DCUN1D5: variants seen among roughly 807,000 people sequenced by gnomAD.
DCUN1D5 encodes the protein defective in cullin neddylation 1 domain containing 5.
Under a neutral mutation model 38.3 loss-of-function variants are expected in DCUN1D5, and 10 were observed. That is an observed-to-expected ratio of 0.26 (90% CI 0.16 to 0.44). The LOEUF (loss-of-function observed/expected upper bound fraction) is 0.44, where lower values mean the gene tolerates loss of function less well. Among genes scored for constraint, DCUN1D5 ranks in the 20% least tolerant of loss-of-function variants. The pLI is 1.00. For synonymous variants in DCUN1D5, 93 were observed against 90.9 expected (o/e 1.02, Z -0.13); for missense variants, 148 against 275.3 (o/e 0.54, Z 3.27).
chr11:103,070,145 A>G (rs1862235967), intron 4 of DCUN1D5, among the ~76,000 whole-genome samples: 1 of 152,066 alleles, frequency 6.6e-6, no homozygotes, highest in African/African-American at 2.4e-5. Flanking sequence ...ACAAAGAAAT[A>G]TAAGATACAA....
Position 103,060,551 on chromosome 11 carries a change from G to A in DCUN1D5, c.*1808C>T, listed in dbSNP as rs1861988172. On this transcript the variant is annotated 3_prime_UTR_variant, in exon 8 of 8. Coordinates refer to ENST00000260247, the MANE Select transcript of DCUN1D5 (RefSeq NM_032299.4). The stretch of plus-strand genomic sequence containing the variant: ...ATGCACAGATTTGGGTATACACAAG[G>A]GTCCTGGTATCAATCTCCTGCGTAT... 6.6e-6 allele frequency among the ~76,000 whole-genome samples: 1 copy of A among 152,014 alleles called. No individual in the cohort carries two copies.
chr11:103,076,937 G>A (rs376210827), intron 4 of DCUN1D5, among the ~76,000 whole-genome samples: 2 of 152,238 alleles, frequency 1.3e-5, no homozygotes, highest in South Asian at 2.1e-4. Flanking sequence ...GGTGGCTCAC[G>A]CCTGTAATCC....
rs1258907513 is a variant in DCUN1D5 at position 103,050,935 on chromosome 11, G to A, written c.*11424C>T. ...TCTCCATGATGGGTAAGGAAAGGGTGTTTCTTTAAAAATAATCAGACCCAG... is the reference window on the plus strand; with the variant it reads ...TCTCCATGATGGGTAAGGAAAGGGTATTTCTTTAAAAATAATCAGACCCAG... On this transcript the variant is annotated 3_prime_UTR_variant, in exon 8 of 8. Transcript: ENST00000260247. 1 of 152,152 alleles carries A rather than the reference G, an allele frequency of 6.6e-6. No homozygotes were observed. Among genetic ancestry groups the A allele is most frequent in the African/African-American group, 2.4e-5 (1 of 41,450 alleles). 9.4% of individuals were successfully genotyped at this position (152,152 alleles called of 1,614,324 possible).
At position 103,066,436 on chromosome 11, in the gene DCUN1D5, C is replaced by G. The variant is rs536536622; in HGVS notation, c.450+23G>C. ...TCAAGATGAAAAGCTATTAAAACAACAAAACAAGAAAATTGCACCTACCCT... is the reference window on the plus strand; with the variant it reads ...TCAAGATGAAAAGCTATTAAAACAAGAAAACAAGAAAATTGCACCTACCCT... On this transcript the variant is annotated intron_variant, in intron 5 of 7. Coordinates refer to ENST00000260247, the MANE Select transcript of DCUN1D5 (RefSeq NM_032299.4). This position sits in a 1 kb window ranked among gnomAD's most constrained non-coding sequence, Gnocchi z 4.7. The G allele has an allele frequency of 1.9e-6, 3 of 1,593,254 alleles. No homozygotes were observed. The highest frequency in any genetic ancestry group is 1.3e-5 in the African/African-American group (1 of 74,088).
intron 3 of DCUN1D5, 119 bp from the exon 4 acceptor site, chr11:103,082,958 CA>C: frequency 1.4e-6 from 1 of 735,944 alleles, no homozygotes; most frequent in Non-Finnish European, 2.3e-6. Context: ...TTAAAGAGTA[CA>C]ACCTCTGGAA....
rs781703237 is a variant in DCUN1D5 at position 103,062,285 on chromosome 11, T to A, written c.*74A>T. On this transcript the variant is annotated 3_prime_UTR_variant, in exon 8 of 8. Coordinates refer to ENST00000260247, the MANE Select transcript of DCUN1D5 (RefSeq NM_032299.4). The surrounding 1 kb of genome is among the most constrained non-coding windows in gnomAD (Gnocchi z 4.6). ...TGAATGAAAATGCACCCGTTGGATT[T>A]TTTTCCCCCTCATCACATTAGCTTG... 147 of 1,431,472 alleles carry A rather than the reference T, an allele frequency of 1.0e-4. No individual in the cohort carries two copies. Among genetic ancestry groups the A allele is most frequent in the Non-Finnish European group, 1.4e-4 (139 of 1,025,420 alleles). 88.7% of individuals were successfully genotyped at this position (1,431,472 alleles called of 1,614,324 possible).
chr11:103,091,596 G>C lies in DCUN1D5; in HGVS notation c.86+191C>G. On this transcript the variant is annotated intron_variant, in intron 1 of 7. Transcript: ENST00000260247. The surrounding 1 kb of genome is among the most constrained non-coding windows in gnomAD (Gnocchi z 4.3). ...TTCTAGTCTCTCCATAAACGCCAGC[G>C]TGCACACACTCGAACACGAGGTCGG... The C allele has an allele frequency of 2.1e-6, 2 of 949,810 alleles. No homozygotes were observed. Among genetic ancestry groups the C allele is most frequent in the Non-Finnish European group, 3.2e-6 (2 of 628,460 alleles). The allele number at this position is 949,810 out of a possible 1,614,324, so 58.8% of individuals were successfully genotyped here. A position where few individuals can be genotyped will look rare whatever the true frequency, so the allele number is the denominator to read the frequency against.
rs776652565 is a variant in DCUN1D5, at chr11:103,060,569, C to A, written c.*1790G>T. ...ACACAAGGGTCCTGGTATCAATCTCCTGCGTATACCAAGGATGCCTGTGCT... is the reference window on the plus strand; with the variant it reads ...ACACAAGGGTCCTGGTATCAATCTCATGCGTATACCAAGGATGCCTGTGCT... On this transcript the variant is annotated 3_prime_UTR_variant, in exon 8 of 8. Transcript: ENST00000260247. Among the ~76,000 whole-genome samples, 5 of 152,052 alleles carry A rather than the reference C, an allele frequency of 3.3e-5. No homozygotes were observed. Among genetic ancestry groups the A allele is most frequent in the Non-Finnish European group, 7.4e-5 (5 of 67,984 alleles).
At chr11:103,079,190 T>C (rs1214955286) in intron 4 of DCUN1D5, among the ~76,000 whole-genome samples, 1 of 152,118 alleles carries the variant, frequency 6.6e-6, no homozygotes. Context: ...TAATCTGAGG[T>C]GGAACAGTTT....
intron 4 of DCUN1D5, among the ~76,000 whole-genome samples, chr11:103,082,044 C>T (rs1465530177): frequency 6.6e-6 from 1 of 152,006 alleles, no homozygotes; most frequent in Non-Finnish European, 1.5e-5. Context: ...ATAACTAATA[C>T]CCTGCAGAAA....
At position 103,060,446 on chromosome 11, in the gene DCUN1D5, G is replaced by A. The variant is rs900781158; in HGVS notation, c.*1913C>T. ...CATGGATTGAAAATACAGTATTCCCGGGATGCGACACCTACATACACGGGG... is the reference window on the plus strand; with the variant it reads ...CATGGATTGAAAATACAGTATTCCCAGGATGCGACACCTACATACACGGGG... On this transcript the variant is annotated 3_prime_UTR_variant, in exon 8 of 8. Coordinates refer to ENST00000260247, the MANE Select transcript of DCUN1D5 (RefSeq NM_032299.4). Among the ~76,000 whole-genome samples, 5 of 151,900 alleles carry A rather than the reference G, an allele frequency of 3.3e-5. No homozygotes were observed. The highest frequency in any genetic ancestry group is 6.6e-5 in the Admixed American group (1 of 15,208).
chr11:103,072,957 C>A (rs1445444804), intron 4 of DCUN1D5, among the ~76,000 whole-genome samples: 1 of 151,788 alleles, frequency 6.6e-6, no homozygotes, highest in Non-Finnish European at 1.5e-5. Flanking sequence ...ATAAACTGTC[C>A]CTATTTCTAG....
rs970254333 is a variant in DCUN1D5 at position 103,055,259 on chromosome 11, T to C, written c.*7100A>G. 2 of 152,130 alleles carry C rather than the reference T, an allele frequency of 1.3e-5. No homozygotes were observed. Among genetic ancestry groups the C allele is most frequent in the African/African-American group, 4.8e-5 (2 of 41,432 alleles). 9.4% of individuals were successfully genotyped at this position (152,130 alleles called of 1,614,324 possible). On this transcript the variant is annotated 3_prime_UTR_variant, in exon 8 of 8. Transcript: ENST00000260247. ...TCAAAAAGTTTTGGATTTTGAAGCA[T>C]TTTGAATTTCAGATTTTCAAGTTAA... is the stretch of plus-strand genomic sequence containing the variant.
intron 1 of DCUN1D5, among the ~76,000 whole-genome samples, chr11:103,090,429 C>A (rs1008104791): frequency 6.6e-6 from 1 of 152,056 alleles, no homozygotes; most frequent in Non-Finnish European, 1.5e-5. Context: ...CGACCAATTA[C>A]AAAAAAGAAG....
Position 103,066,519 on chromosome 11 carries a change from T to A in DCUN1D5, c.390A>T (p.Ser130=). The A allele has an allele frequency of 6.2e-7, 1 of 1,612,788 alleles. No individual in the cohort carries two copies. The highest frequency in any genetic ancestry group is 8.5e-7 in the Non-Finnish European group (1 of 1,179,360). ...KLQNKFDFLR[S]QLNDISSFKN... ...TAAATGACGAAATATCATTCAACTG[T>A]GAGCGCAAAAAGTCAAATTTGTTTT... is the stretch of plus-strand genomic sequence containing the variant. The change falls in exon 5 of 8, where the codon TCA becomes TCT. Residue 130 remains serine, a synonymous_variant. Coordinates refer to ENST00000260247, the MANE Select transcript of DCUN1D5 (RefSeq NM_032299.4). This position sits in a 1 kb window ranked among gnomAD's most constrained non-coding sequence, Gnocchi z 4.7.
intron 4 of DCUN1D5, among the ~76,000 whole-genome samples, chr11:103,070,165 C>G (rs1862236703): frequency 6.7e-6 from 1 of 148,686 alleles, no homozygotes; most frequent in African/African-American, 2.5e-5. Context: ...AAAAAAGAAC[C>G]AAATGGAAAT....
intron 3 of DCUN1D5, 69 bp from the exon 4 acceptor site, chr11:103,082,908 TG>T: frequency 8.1e-7 from 1 of 1,236,382 alleles, no homozygotes; most frequent in Non-Finnish European, 1.2e-6. Flanking sequence ...ATATTTATCA[TG>T]GAGAGCATTT....
At position 103,078,147 on chromosome 11, in the gene DCUN1D5, A is replaced by C. The variant is rs1346545568; in HGVS notation, c.341+4601T>G. On this transcript the variant is annotated intron_variant, in intron 4 of 7. Transcript: ENST00000260247. This position sits in a 1 kb window ranked among gnomAD's most constrained non-coding sequence, Gnocchi z 4.6. ...ACTGCAACCTACCGGCAGGCAGCTT[A>C]ATTACTATCACTGTTGTCAGATGCT... Among the ~76,000 whole-genome samples the C allele has an allele frequency of 6.6e-6, 1 of 152,210 alleles. No individual in the cohort carries two copies. Among genetic ancestry groups the C allele is most frequent in the Non-Finnish European group, 1.5e-5 (1 of 68,042 alleles).
At position 103,050,758 on chromosome 11, in the gene DCUN1D5, T is replaced by C. The variant is rs1366920934; in HGVS notation, c.*11601A>G. 6.6e-6 allele frequency: 1 copy of C among 152,226 alleles called. No homozygotes were observed. The highest frequency in any genetic ancestry group is 1.5e-5 in the Non-Finnish European group (1 of 68,034). The allele number at this position is 152,226 out of a possible 1,614,324, so 9.4% of individuals were successfully genotyped here. A position where few individuals can be genotyped will look rare whatever the true frequency, so the allele number is the denominator to read the frequency against. On this transcript the variant is annotated 3_prime_UTR_variant, in exon 8 of 8. Transcript: ENST00000260247. Reference sequence around the variant, plus strand: ...CCATTTATTGAGTGCTTTTCTATACTGTGGATAGTTCTGAGTACTGGTGAA... The same window carrying C: ...CCATTTATTGAGTGCTTTTCTATACCGTGGATAGTTCTGAGTACTGGTGAA...
Sources: allele counts gnomAD v4.1 joint callset (sites outside exome capture counted in the v4.1 genomes callset), GRCh38; gene constraint gnomAD v4.1.1; non-coding constraint Gnocchi (gnomAD v3.1); transcripts MANE v1.5; gene names NCBI Gene and HGNC (gene_info 2026-07-23, HGNC 2026-07-21).